The following DLGAP2 variants were observed in gnomAD, a reference collection of about 807,000 sequenced individuals.
The protein encoded by DLGAP2 is disks large-associated protein 2.
DLGAP2 carries 26 observed loss-of-function variants against 100.3 expected under a neutral mutation model. That is an observed-to-expected ratio of 0.26 (90% confidence interval 0.19 to 0.36). The LOEUF (loss-of-function observed/expected upper bound fraction) is 0.36. DLGAP2 is among the 10% of genes least tolerant of loss of function. The pLI, the probability that DLGAP2 is intolerant of heterozygous loss-of-function variation, is 1.00. For missense variants in DLGAP2, 1,858 were observed against 1,453.2 expected (o/e 1.28, Z -4.53); for synonymous variants, 886 against 630.1 (o/e 1.41, Z -6.08).
intron 2 of DLGAP2, among the ~76,000 whole-genome samples, chr8:1,030,919 C>T (rs544199092): frequency 7.9e-5 from 12 of 152,326 alleles, no homozygotes; most frequent in African/African-American, 2.4e-4. Flanking sequence ...CTGAGAAGGG[C>T]GCAAGGTCGG....
intron 3 of DLGAP2, among the ~76,000 whole-genome samples, chr8:1,260,527 G>A (rs963820939): frequency 6.6e-6 from 1 of 152,122 alleles, no homozygotes; most frequent in African/African-American, 2.4e-5. Context: ...CTGAATCCAT[G>A]ATGTTTGGAG....
intron 2 of DLGAP2, among the ~76,000 whole-genome samples, chr8:1,070,681 A>C (rs981940927): frequency 1.3e-5 from 2 of 152,064 alleles, no homozygotes; most frequent in African/African-American, 4.8e-5. Flanking sequence ...ACAAACACTC[A>C]CTCCCTCCTT....
intron 8 of DLGAP2, among the ~76,000 whole-genome samples, chr8:1,662,795 TGA>T (rs1241085081): frequency 6.6e-6 from 1 of 151,880 alleles, no homozygotes; most frequent in Non-Finnish European, 1.5e-5. Context: ...TACACACGTG[TGA>T]GTGTGGGCTG....
chr8:1,331,804 C>T (rs1386886723), intron 3 of DLGAP2, among the ~76,000 whole-genome samples: 1 of 152,214 alleles, frequency 6.6e-6, no homozygotes, highest in East Asian at 1.9e-4. Context: ...ATCCAAGCAC[C>T]TTTCTGGGAT....
chr8:1,233,842 CCGTAAGCTAAACCA>C (rs1798587943), intron 2 of DLGAP2, among the ~76,000 whole-genome samples: 3 of 151,956 alleles, frequency 2.0e-5, no homozygotes, highest in Non-Finnish European at 4.4e-5. Flanking sequence ...TTATTTTAAT[CCGTAAGCTAAACCA>C]CTGTCCTCTA....
chr8:1,456,181 CG>C (rs980152055), intron 3 of DLGAP2, among the ~76,000 whole-genome samples: 2 of 152,126 alleles, frequency 1.3e-5, no homozygotes, highest in Admixed American at 1.3e-4. Flanking sequence ...AAGAAAGCTG[CG>C]GATTCTGCAG....
At chr8:1,701,101 C>G (rs2130893451) in intron 14 of DLGAP2, 87 bp from the exon 15 acceptor site, 1 of 1,271,206 alleles carries the variant, frequency 7.9e-7, no homozygotes, top group Non-Finnish European at 1.1e-6. Flanking sequence ...CGGGAAGGGT[C>G]AGGCCAGGCC....
chr8:1,025,793 A>G (rs1801781358), intron 2 of DLGAP2, among the ~76,000 whole-genome samples: 1 of 152,206 alleles, frequency 6.6e-6, no homozygotes, highest in African/African-American at 2.4e-5. Context: ...CACGGTCGCA[A>G]TGGCTCTGAG....
At chr8:1,184,267 G>A (rs977451783) in intron 2 of DLGAP2, among the ~76,000 whole-genome samples, 4 of 152,236 alleles carry the variant, frequency 2.6e-5, no homozygotes, top group African/African-American at 7.2e-5. Flanking sequence ...AAGCATTTGT[G>A]ATTTATTATT....
chr8:1,060,866 A>AGGAGGT, intron 2 of DLGAP2, among the ~76,000 whole-genome samples: 1 of 152,338 alleles, frequency 6.6e-6, no homozygotes, highest in East Asian at 1.9e-4. Flanking sequence ...GTTGAGGAAG[A>AGGAGGT]GGAGGTGGGC....
chr8:1,534,078 A>G (rs886487296), intron 4 of DLGAP2, among the ~76,000 whole-genome samples: 3 of 152,234 alleles, frequency 2.0e-5, no homozygotes, highest in Non-Finnish European at 4.4e-5. Context: ...ACATTTGGAA[A>G]TTGTCAGCAG....
intron 2 of DLGAP2, among the ~76,000 whole-genome samples, chr8:1,195,165 C>G (rs932959505): frequency 4.6e-5 from 7 of 152,244 alleles, no homozygotes; most frequent in African/African-American, 1.7e-4. Flanking sequence ...CAGTGAACAT[C>G]TGAAGAGACG....
At chr8:808,081 G>C (rs905339110) in intron 1 of DLGAP2, among the ~76,000 whole-genome samples, 2 of 152,184 alleles carry the variant, frequency 1.3e-5, no homozygotes, top group Admixed American at 6.5e-5. Context: ...ACGCTCATCT[G>C]TGTCAGCCTT....
At chr8:880,845 A>T (rs775226141) in intron 1 of DLGAP2, among the ~76,000 whole-genome samples, 1 of 152,208 alleles carries the variant, frequency 6.6e-6, no homozygotes, top group Non-Finnish European at 1.5e-5. Flanking sequence ...TTTTGCTAAG[A>T]AGTTCCTCCC....
intron 2 of DLGAP2, among the ~76,000 whole-genome samples, chr8:1,046,417 G>A (rs576208051): frequency 4.6e-5 from 7 of 152,240 alleles, no homozygotes; most frequent in East Asian, 1.9e-4. Flanking sequence ...CCCGGCTGCC[G>A]TGCATATATG....
chr8:1,694,400 G>C (rs999182620), intron 13 of DLGAP2, among the ~76,000 whole-genome samples: 1 of 152,206 alleles, frequency 6.6e-6, no homozygotes, highest in South Asian at 2.1e-4. Context: ...GAAAATGTCA[G>C]AACCCCAGCC....
chr8:801,578 A>G (rs956284555), intron 1 of DLGAP2, among the ~76,000 whole-genome samples: 7 of 152,262 alleles, frequency 4.6e-5, no homozygotes, highest in South Asian at 4.1e-4. Flanking sequence ...GTCTTTCCTG[A>G]GTAGCTGTGT....
chr8:1,476,854 C>A (rs1438416106), intron 3 of DLGAP2, among the ~76,000 whole-genome samples: 1 of 150,662 alleles, frequency 6.6e-6, no homozygotes, highest in African/African-American at 2.4e-5. Flanking sequence ...TGCAGACCCA[C>A]CCGTGATGGC....
At chr8:1,191,612 C>T (rs565832170) in intron 2 of DLGAP2, among the ~76,000 whole-genome samples, 28 of 152,236 alleles carry the variant, frequency 1.8e-4, no homozygotes, top group African/African-American at 4.6e-4. Flanking sequence ...GCAGCCACAA[C>T]GCGCCGTATC....
Sources: allele counts gnomAD v4.1 joint callset (sites outside exome capture counted in the v4.1 genomes callset), GRCh38; gene constraint gnomAD v4.1.1; transcripts MANE v1.5; gene names NCBI Gene and HGNC (gene_info 2026-07-23, HGNC 2026-07-21).